The following SUGCT variants were observed in gnomAD, a reference collection of about 807,000 sequenced individuals.
SUGCT encodes succinyl-CoA:glutarate CoA-transferase.
A neutral mutation model predicts 55.0 loss-of-function variants in SUGCT; 41 were observed. The ratio of observed to expected loss-of-function variants is 0.74; its 90% CI spans 0.58 to 0.97. SUGCT has a LOEUF of 0.97. SUGCT is among the 50% of genes least tolerant of loss of function. The pLI, the probability that SUGCT is intolerant of heterozygous loss-of-function variation, is 0.00. For synonymous variants in SUGCT, 187 were observed against 200.4 expected (o/e 0.93, Z 0.56); for missense variants, 568 against 547.8 (o/e 1.04, Z -0.37).
intron 1 of SUGCT, chr7:40,152,843 A>C (rs555390548): frequency 6.5e-6 from 1 of 154,290 alleles, no homozygotes; most frequent in Admixed American, 6.6e-5. Flanking sequence ...TGGGACTACA[A>C]GCGCCCACCA....
chr7:40,370,349 A>G (rs527341195), intron 9 of SUGCT, among the ~76,000 whole-genome samples: 1 of 152,230 alleles, frequency 6.6e-6, no homozygotes, highest in Admixed American at 6.5e-5. Flanking sequence ...AGGGCCCTGC[A>G]CTGTAGCTGC....
At chr7:40,689,154 G>A (rs1209569297) in intron 12 of SUGCT, among the ~76,000 whole-genome samples, 1 of 152,124 alleles carries the variant, frequency 6.6e-6, no homozygotes, top group Non-Finnish European at 1.5e-5. Flanking sequence ...AAACCACTAC[G>A]TGTTCCAATT....
chr7:40,588,486 T>A (rs1797528989), intron 12 of SUGCT, among the ~76,000 whole-genome samples: 1 of 152,190 alleles, frequency 6.6e-6, no homozygotes, highest in African/African-American at 2.4e-5. Context: ...GTTATCTGTG[T>A]TTTATAATTG....
intron 13 of SUGCT, among the ~76,000 whole-genome samples, chr7:40,827,630 T>C (rs1792382636): frequency 6.6e-6 from 1 of 152,126 alleles, no homozygotes; most frequent in Non-Finnish European, 1.5e-5. Context: ...TCATTTCTCC[T>C]CCGGGGCGTG....
intron 12 of SUGCT, among the ~76,000 whole-genome samples, chr7:40,644,594 G>A (rs1487351252): frequency 6.6e-6 from 1 of 152,130 alleles, no homozygotes; most frequent in Non-Finnish European, 1.5e-5. Flanking sequence ...ATGAGCAGTC[G>A]GCTCACCCAC....
chr7:40,150,694 AAAAC>A (rs1355943675), intron 1 of SUGCT, among the ~76,000 whole-genome samples: 1 of 152,100 alleles, frequency 6.6e-6, no homozygotes, highest in African/African-American at 2.4e-5. Flanking sequence ...AAAACAAAAC[AAAAC>A]AAACTCTGCT....
At chr7:40,617,649 G>A (rs2151785279) in intron 12 of SUGCT, among the ~76,000 whole-genome samples, 1 of 152,086 alleles carries the variant, frequency 6.6e-6, no homozygotes, top group South Asian at 2.1e-4. Context: ...TAAAATCTGG[G>A]AAGACTTAAA....
At chr7:40,760,260 G>A (rs1455111516) in intron 13 of SUGCT, among the ~76,000 whole-genome samples, 1 of 152,158 alleles carries the variant, frequency 6.6e-6, no homozygotes, top group African/African-American at 2.4e-5. Context: ...TGCAAACAAT[G>A]TTGTGTTGGT....
At chr7:40,479,096 G>T (rs1790873573) in intron 11 of SUGCT, among the ~76,000 whole-genome samples, 2 of 151,948 alleles carry the variant, frequency 1.3e-5, no homozygotes, top group South Asian at 4.2e-4. Flanking sequence ...ATATATGTTT[G>T]TGCACCTTAT....
At chr7:40,711,911 C>T (rs978757287) in intron 12 of SUGCT, among the ~76,000 whole-genome samples, 4 of 152,178 alleles carry the variant, frequency 2.6e-5, no homozygotes, top group African/African-American at 4.8e-5. Flanking sequence ...GACTGGATGA[C>T]TGGCCTGCGC....
At chr7:40,556,984 G>GT (rs1017241895) in intron 12 of SUGCT, among the ~76,000 whole-genome samples, 8 of 152,118 alleles carry the variant, frequency 5.3e-5, no homozygotes, top group Non-Finnish European at 7.4e-5. Flanking sequence ...TCCCACTAGT[G>GT]TTTTTTACAG....
At chr7:40,304,085 A>T (rs1253835960) in intron 8 of SUGCT, among the ~76,000 whole-genome samples, 1 of 151,874 alleles carries the variant, frequency 6.6e-6, no homozygotes, top group South Asian at 2.1e-4. Flanking sequence ...TTGAAGAAAC[A>T]GTAACAAAAG....
chr7:40,253,760 A>T (rs1040546986), intron 7 of SUGCT, among the ~76,000 whole-genome samples: 3 of 152,172 alleles, frequency 2.0e-5, no homozygotes, highest in African/African-American at 7.2e-5. Context: ...ACCTCAGGTG[A>T]TCTGCCTGCC....
At chr7:40,336,290 T>C (rs1429139393) in intron 9 of SUGCT, among the ~76,000 whole-genome samples, 1 of 152,278 alleles carries the variant, frequency 6.6e-6, no homozygotes, top group South Asian at 2.1e-4. Context: ...ACTCCTTCTT[T>C]TTCTGTTGTT....
intron 8 of SUGCT, among the ~76,000 whole-genome samples, chr7:40,298,294 C>A (rs1794304181): frequency 6.6e-6 from 1 of 151,720 alleles, no homozygotes; most frequent in African/African-American, 2.4e-5. Context: ...TAAAGTGGTG[C>A]ATTGGGATAG....
At chr7:40,261,746 G>T (rs1791235788) in intron 7 of SUGCT, among the ~76,000 whole-genome samples, 1 of 152,160 alleles carries the variant, frequency 6.6e-6, no homozygotes, top group African/African-American at 2.4e-5. Context: ...TTAAATGCAA[G>T]ATTGTTTATA....
chr7:40,919,683 T>G, the SUGCT span, among the ~76,000 whole-genome samples: 5 of 152,272 alleles, frequency 3.3e-5, no homozygotes, highest in African/African-American at 1.2e-4. Flanking sequence ...GATTGACAGG[T>G]CTCCTTGTTC....
chr7:40,243,427 TAA>T (rs1440625028), intron 7 of SUGCT, among the ~76,000 whole-genome samples: 1 of 151,880 alleles, frequency 6.6e-6, no homozygotes, highest in Non-Finnish European at 1.5e-5. Flanking sequence ...AATGAGAAAA[TAA>T]AAATAACAGA....
chr7:41,013,545 G>C, the SUGCT span, among the ~76,000 whole-genome samples: 3 of 152,104 alleles, frequency 2.0e-5, no homozygotes, highest in African/African-American at 7.2e-5. Flanking sequence ...GGTGTCCGTG[G>C]GTTCGTTTGA....
Sources: allele counts gnomAD v4.1 joint callset (sites outside exome capture counted in the v4.1 genomes callset), GRCh38; gene constraint gnomAD v4.1.1; transcripts MANE v1.5; gene names NCBI Gene and HGNC (gene_info 2026-07-23, HGNC 2026-07-21).